The following HMGCS2 variants were observed in gnomAD, a reference collection of about 807,000 sequenced individuals.
HMGCS2 encodes the protein hydroxymethylglutaryl-CoA synthase, mitochondrial.
In HMGCS2, 50 loss-of-function variants were observed where a neutral mutation model predicts 57.4. That is an observed-to-expected ratio of 0.87 (90% CI 0.69 to 1.10). The LOEUF is 1.10. Ranked by LOEUF, HMGCS2 falls within the 50% of genes least tolerant of loss-of-function variation. HMGCS2 has a pLI of 0.00. For synonymous variants in HMGCS2, 254 were observed against 245.1 expected (o/e 1.04, Z -0.34); for missense variants, 627 against 636.5 (o/e 0.99, Z 0.16).
At chr1:119,768,639 A>C in intron 1 of HMGCS2, 102 bp downstream of exon 1, 1 of 859,018 alleles carries the variant, frequency 1.2e-6, no homozygotes, top group Non-Finnish European at 2.0e-6. Flanking sequence ...TGCTGTGCAC[A>C]AGCCTTGCCA....
In HMGCS2 at chr1:119,748,087, AG is replaced by A. The variant is rs1451570804; in HGVS notation, c.*759del. 3 of 152,370 alleles carry A rather than the reference AG, an allele frequency of 2.0e-5. No homozygotes were observed. Among genetic ancestry groups the A allele is most frequent in the Non-Finnish European group, 4.4e-5 (3 of 68,038 alleles). The allele number at this position is 152,370 out of a possible 1,614,324, so 9.4% of individuals were successfully genotyped here. A position where few individuals can be genotyped will look rare whatever the true frequency, so the allele number is the denominator to read the frequency against. On this transcript the variant is annotated 3_prime_UTR_variant, in exon 10 of 10. Transcript: ENST00000369406. ...TTTATTTGTTCAAATAACAGCGGCA[AG>A]GAATGACCAAGAAGATCTGAACTAC...
chr1:119,768,132 C>T lies in HMGCS2; in HGVS notation c.104+609G>A, dbSNP rs193296189. Among the ~76,000 whole-genome samples the T allele has an allele frequency of 7.2e-5, 11 of 152,328 alleles. 1 individual carries two copies. The highest frequency in any genetic ancestry group is 1.3e-4 in the Non-Finnish European group (9 of 68,036). On this transcript the variant is annotated intron_variant, in intron 1 of 9. Transcript: ENST00000369406. ...GGTGGCTGGGAGCCTGAGGCACTAA[C>T]GATAGCTGTGTTACCATCATCGCTG...
chr1:119,762,265 A>G (rs1004525980), intron 2 of HMGCS2, among the ~76,000 whole-genome samples: 9 of 152,234 alleles, frequency 5.9e-5, no homozygotes, highest in African/African-American at 2.2e-4. Flanking sequence ...TACAATGTTT[A>G]AAATGGAATA....
Position 119,764,571 on chromosome 1 carries a change from C to T in HMGCS2, c.160G>A (p.Val54Met), listed in dbSNP as rs28937320. 1.1e-5 allele frequency: 17 copies of T among 1,614,214 alleles called. No individual in the cohort carries two copies. The highest frequency in any genetic ancestry group is 4.5e-5 in the East Asian group (2 of 44,880). ...TAGACCTCCAGGGCCAGGATGCCCA[C>T]GTCCTTTGGCCAAGTATCTGTTTTG... ...LAKTDTWPKD[V>M]GILALEVYFP... The change falls in exon 2 of 10, where the codon GTG becomes ATG. Residue 54 changes from valine (V) to methionine (M), a missense_variant. Coordinates refer to ENST00000369406, the MANE Select transcript of HMGCS2 (RefSeq NM_005518.4).
intron 3 of HMGCS2, among the ~76,000 whole-genome samples, 161 bp downstream of exon 3, chr1:119,759,698 TTCTCC>T (rs1652970932): frequency 6.6e-6 from 1 of 152,176 alleles, no homozygotes; most frequent in Admixed American, 6.5e-5. Context: ...CCTCTCCCAT[TTCTCC>T]TCTCCTCCCT....
chr1:119,765,131 C>T (rs587637911), intron 1 of HMGCS2, among the ~76,000 whole-genome samples: 9 of 150,032 alleles, frequency 6.0e-5, no homozygotes, highest in East Asian at 3.9e-4. Flanking sequence ...CTCTGTCACC[C>T]GGAGTCTCAC....
intron 9 of HMGCS2, among the ~76,000 whole-genome samples, chr1:119,750,543 C>T (rs1185197709): frequency 1.3e-5 from 2 of 152,144 alleles, no homozygotes; most frequent in Non-Finnish European, 2.9e-5. Context: ...TACAAATCCC[C>T]ACTTCTGATT....
rs762679030 is a variant in HMGCS2 at position 119,768,622 on chromosome 1, C to G, written c.104+119G>C. On this transcript the variant is annotated intron_variant, in intron 1 of 9. Transcript: ENST00000369406. ...GACCCTTTAAAGTTAACTTGCTTGTCTAAGGCTGCTGTGCACAAGCCTTGC... is the reference window on the plus strand; with the variant it reads ...GACCCTTTAAAGTTAACTTGCTTGTGTAAGGCTGCTGTGCACAAGCCTTGC... The G allele has an allele frequency of 6.4e-5, 48 of 744,256 alleles. 1 individual carries two copies. In the Middle Eastern group the frequency reaches 8.0e-3, roughly 124 times the overall value. 46.1% of individuals were successfully genotyped at this position (744,256 alleles called of 1,614,324 possible).
intron 9 of HMGCS2, among the ~76,000 whole-genome samples, chr1:119,749,577 G>A (rs1462646708): frequency 1.3e-5 from 2 of 152,042 alleles, no homozygotes; most frequent in Non-Finnish European, 2.9e-5. Flanking sequence ...GGCATCCTGC[G>A]GCCCTCAGCC....
intron 4 of HMGCS2, among the ~76,000 whole-genome samples, chr1:119,758,097 C>G (rs1049826049): frequency 3.3e-5 from 5 of 152,276 alleles, no homozygotes; most frequent in Admixed American, 3.3e-4. Flanking sequence ...AGAGGTAGCT[C>G]TTTATGACAC....
At chr1:119,755,181 T>A (rs1247099747) in intron 6 of HMGCS2, among the ~76,000 whole-genome samples, 1 of 152,114 alleles carries the variant, frequency 6.6e-6, no homozygotes, top group Non-Finnish European at 1.5e-5. Context: ...CATGCTCAGC[T>A]AATTTTTGTA....
intron 2 of HMGCS2, among the ~76,000 whole-genome samples, chr1:119,763,712 T>C (rs775441318): frequency 1.3e-5 from 2 of 152,248 alleles, no homozygotes; most frequent in African/African-American, 4.8e-5. Context: ...ACAGTCTATC[T>C]TGTGGTTTTC....
intron 9 of HMGCS2, among the ~76,000 whole-genome samples, chr1:119,749,122 CCACCATGAGCACTG>C (rs1177549940): frequency 2.6e-5 from 4 of 152,284 alleles, no homozygotes; most frequent in African/African-American, 9.6e-5. Context: ...CTGTAGAGCT[CCACCATGAGCACTG>C]CACTGACAGC....
Position 119,757,412 on chromosome 1 carries a change from C to A in HMGCS2, c.877G>T (p.Asp293Tyr). 6.2e-7 allele frequency: 1 copy of A among 1,614,072 alleles called. No homozygotes were observed. Among genetic ancestry groups the A allele is most frequent in the South Asian group, 1.1e-5 (1 of 91,082 alleles). The change falls in exon 5 of 10, where the codon GAC becomes TAC. Residue 293 changes from aspartate to tyrosine, a missense_variant. By Grantham distance (160) the Asp-to-Tyr change is radical. Coordinates refer to ENST00000369406, the MANE Select transcript of HMGCS2 (RefSeq NM_005518.4). ...QAGSDRPFTLDDLQYMIFHTP... is the reference protein window; with the variant it reads ...QAGSDRPFTLYDLQYMIFHTP... ...TGAAAGATCATGTACTGTAAATCGT[C>A]AAGGGTGAAGGGTCGATCGCTGCCA...
At position 119,768,787 on chromosome 1, in the gene HMGCS2, C is replaced by G. The variant is rs1332746126; in HGVS notation, c.58G>C (p.Glu20Gln). 6.2e-7 allele frequency: 1 copy of G among 1,614,092 alleles called. No individual in the cohort carries two copies. Among genetic ancestry groups the G allele is most frequent in the Admixed American group, 1.7e-5 (1 of 60,002 alleles). Residue 20 changes from glutamate to glutamine, a missense_variant, in exon 1 of 10, where the codon GAA becomes CAA. Physicochemically the swap from Glu to Gln is conservative, Grantham distance 29 (BLOSUM62 2). Coordinates refer to ENST00000369406, the MANE Select transcript of HMGCS2 (RefSeq NM_005518.4). ...AGGCGAGCAGGTGTGAGGGAGGTTT[C>G]CTGCACCGCTCTTGTCAGTTGCAGA... ...RILQLTRAVQ[E>Q]TSLTPARLLP...
chr1:119,760,517 G>A (rs1300406436), intron 2 of HMGCS2, among the ~76,000 whole-genome samples: 1 of 152,180 alleles, frequency 6.6e-6, no homozygotes, highest in Non-Finnish European at 1.5e-5. Flanking sequence ...TATGGATTTT[G>A]ATATTCAAAC....
At chr1:119,749,476 C>T (rs1394546900) in intron 9 of HMGCS2, among the ~76,000 whole-genome samples, 18 of 150,462 alleles carry the variant, frequency 1.2e-4, no homozygotes, top group Admixed American at 6.7e-4. Context: ...TGCTACTGAC[C>T]TGCCCTTAAG....
Position 119,752,602 on chromosome 1 carries a change from GAC to G in HMGCS2, c.1365_1366del (p.Pro457Ter), listed in dbSNP as rs1267844674. 1 of 1,614,046 alleles carries G rather than the reference GAC, an allele frequency of 6.2e-7. No homozygotes were observed. The highest frequency in any genetic ancestry group is 8.5e-7 in the Non-Finnish European group (1 of 1,179,926). On this transcript the variant is annotated frameshift_variant, in exon 8 of 10. Transcript: ENST00000369406. LOFTEE classifies it high-confidence loss of function. The stretch of plus-strand genomic sequence containing the variant: ...CATTATTTCTGTGAACTCCTCAGGA[GAC>G]ACACACTTTCGGGAGGCTAGGCGTT...
Position 119,752,544 on chromosome 1 carries a change from C to G in HMGCS2, c.1420+5G>C, listed in dbSNP as rs1191279346. 6.2e-7 allele frequency: 1 copy of G among 1,613,738 alleles called. No homozygotes were observed. The highest frequency in any genetic ancestry group is 8.5e-7 in the Non-Finnish European group (1 of 1,179,846). On this transcript the variant is annotated splice_donor_5th_base_variant and intron_variant, in intron 8 of 9. Transcript: ENST00000369406. ...CTCTTCCTCTCTTCCTGACTTTTTT[C>G]TTACCCTTATGGTAGAATTGCTCTC...
Sources: gnomAD v4.1 joint callset for allele counts (sites outside exome capture counted in the v4.1 genomes callset) on GRCh38, gnomAD v4.1.1 for gene constraint, MANE v1.5 for transcripts, NCBI Gene and HGNC (gene_info 2026-07-23, HGNC 2026-07-21) for gene names.